The following BPNT2 variants were observed in gnomAD, a reference collection of about 807,000 sequenced individuals.
BPNT2 encodes 3'(2'), 5'-bisphosphate nucleotidase 2.
In BPNT2, 11 loss-of-function variants were observed where a neutral mutation model predicts 29.3. The observed-to-expected ratio is 0.38, with a 90% CI of 0.24 to 0.62. The LOEUF (loss-of-function observed/expected upper bound fraction) is 0.62. BPNT2 is among the 20% of genes least tolerant of loss of function. The pLI, the probability that BPNT2 is intolerant of heterozygous loss-of-function variation, is 0.62. For missense variants in BPNT2, 459 were observed against 473.4 expected (o/e 0.97, Z 0.28); for synonymous variants, 195 against 187.7 (o/e 1.04, Z -0.32).
chr8:56,965,136 G>A lies in BPNT2; in HGVS notation c.808+1055C>T, dbSNP rs189854308. 4.9e-4 allele frequency among the ~76,000 whole-genome samples: 74 copies of A among 152,092 alleles called. No homozygotes were observed. In the East Asian group the frequency reaches 0.011, roughly 23 times the overall value. ...GGAGCTCAAGACCAGCCTGGGCAACGTGGCAAAACCCCGTCTCTACTAAAA... is the reference window on the plus strand; with the variant it reads ...GGAGCTCAAGACCAGCCTGGGCAACATGGCAAAACCCCGTCTCTACTAAAA... On this transcript the variant is annotated intron_variant, in intron 4 of 4. Coordinates refer to ENST00000262644, the MANE Select transcript of BPNT2 (RefSeq NM_017813.5).
chr8:56,971,987 C>CCGAG (rs935623885), intron 3 of BPNT2, among the ~76,000 whole-genome samples: 2 of 151,388 alleles, frequency 1.3e-5, no homozygotes, highest in Non-Finnish European at 2.9e-5. Context: ...TCCAGCTACT[C>CCGAG]GGGAGGCTGA....
At chr8:56,970,603 G>C (rs560711493) in intron 3 of BPNT2, among the ~76,000 whole-genome samples, 2 of 152,254 alleles carry the variant, frequency 1.3e-5, no homozygotes, top group South Asian at 4.1e-4. Flanking sequence ...ATCCATTTTA[G>C]CAGCAATCGG....
At chr8:56,977,433 C>T (rs565847628) in intron 3 of BPNT2, among the ~76,000 whole-genome samples, 3 of 152,202 alleles carry the variant, frequency 2.0e-5, no homozygotes, top group African/African-American at 7.2e-5. Flanking sequence ...GTGTCTATGT[C>T]CTTTCTGTTT....
chr8:56,976,299 T>C (rs559043921), intron 3 of BPNT2, among the ~76,000 whole-genome samples: 1 of 152,334 alleles, frequency 6.6e-6, no homozygotes, highest in East Asian at 1.9e-4. Context: ...AGTCATGGGC[T>C]GCTTATATAC....
At chr8:56,982,476 T>C (rs1266901000) in intron 1 of BPNT2, among the ~76,000 whole-genome samples, 1 of 152,258 alleles carries the variant, frequency 6.6e-6, no homozygotes, top group Non-Finnish European at 1.5e-5. Context: ...TATTCACTTA[T>C]GTCTTTATTA....
In BPNT2 at chr8:56,963,258, A is replaced by C. The variant is rs1805870746; in HGVS notation, c.*535T>G. On this transcript the variant is annotated 3_prime_UTR_variant, in exon 5 of 5. Transcript: ENST00000262644. The stretch of plus-strand genomic sequence containing the variant: ...AAATCAATTAAACTTTTTCTATTTT[A>C]ATCCATAGAAATATTCAGTAACATA... 1 of 152,794 alleles carries C rather than the reference A, an allele frequency of 6.5e-6. No homozygotes were observed. Among genetic ancestry groups the C allele is most frequent in the Non-Finnish European group, 1.5e-5 (1 of 68,140 alleles). 9.5% of individuals were successfully genotyped at this position (152,794 alleles called of 1,614,324 possible). A position where few individuals can be genotyped will look rare whatever the true frequency, so the allele number is the denominator to read the frequency against.
intron 1 of BPNT2, among the ~76,000 whole-genome samples, chr8:56,992,418 A>C (rs1463892463): frequency 6.6e-6 from 1 of 152,196 alleles, no homozygotes; most frequent in Non-Finnish European, 1.5e-5. Flanking sequence ...TAGCAGCTCC[A>C]GTGAAATGAT....
chr8:56,969,572 G>A (rs765384425), intron 3 of BPNT2, among the ~76,000 whole-genome samples: 6 of 145,864 alleles, frequency 4.1e-5, no homozygotes, highest in East Asian at 4.5e-4. Context: ...CAGCAGAGTC[G>A]AAAAGTAAAC....
intron 1 of BPNT2, among the ~76,000 whole-genome samples, chr8:56,991,328 C>T (rs960359377): frequency 1.3e-5 from 2 of 151,488 alleles, no homozygotes; most frequent in Non-Finnish European, 1.5e-5. Context: ...AAGCCAGAGA[C>T]TTCAACATCT....
rs186038179 is a variant in BPNT2, at chr8:56,972,811, T to C, written c.646+5239A>G. Among the ~76,000 whole-genome samples, 107 of 151,862 alleles carry C rather than the reference T, an allele frequency of 7.0e-4. 1 individual carries two copies. The highest frequency in any genetic ancestry group is 2.4e-3 in the African/African-American group (99 of 41,414). On this transcript the variant is annotated intron_variant, in intron 3 of 4. Coordinates refer to ENST00000262644, the MANE Select transcript of BPNT2 (RefSeq NM_017813.5). The stretch of plus-strand genomic sequence containing the variant: ...AAGAAAATCACTGAGTTCTGTCTGC[T>C]TGAACAGGTTTTCAATGCAGACAAG...
At chr8:56,973,704 G>C (rs1255082579) in intron 3 of BPNT2, among the ~76,000 whole-genome samples, 1 of 152,118 alleles carries the variant, frequency 6.6e-6, no homozygotes, top group Non-Finnish European at 1.5e-5. Context: ...TGAGAAAGAA[G>C]ATGTAGAAGA....
chr8:56,965,289 AG>A (rs1430177544), intron 4 of BPNT2, among the ~76,000 whole-genome samples: 5 of 152,230 alleles, frequency 3.3e-5, no homozygotes, highest in African/African-American at 1.2e-4. Flanking sequence ...ACTGCACTCC[AG>A]CCTGGGAGAC....
In BPNT2 at chr8:56,993,273, T is replaced by C. The variant is rs1209248902; in HGVS notation, c.313A>G (p.Lys105Glu). 6.2e-7 allele frequency: 1 copy of C among 1,611,190 alleles called. No homozygotes were observed. Among genetic ancestry groups the C allele is most frequent in the Non-Finnish European group, 8.5e-7 (1 of 1,179,940 alleles). The change falls in exon 1 of 5, where the codon AAG becomes GAG. Residue 105 changes from lysine to glutamate, a missense_variant. Lys to Glu is a moderately conservative substitution (Grantham distance 56, BLOSUM62 1). Coordinates refer to ENST00000262644, the MANE Select transcript of BPNT2 (RefSeq NM_017813.5). ...GACAGCACGTCGCCGCTGGTCATCT[T>C]GTCCTCGGCTCCCTCGCGCGTCTTC... ...KGKTREGAED[K>E]MTSGDVLSNR...
intron 1 of BPNT2, among the ~76,000 whole-genome samples, chr8:56,981,723 G>A (rs1406528344): frequency 1.3e-5 from 2 of 152,122 alleles, no homozygotes; most frequent in African/African-American, 4.8e-5. Context: ...GCCTCACCAT[G>A]AGACTTCTAT....
intron 1 of BPNT2, among the ~76,000 whole-genome samples, chr8:56,986,408 T>G (rs569510156): frequency 1.3e-5 from 2 of 152,306 alleles, no homozygotes; most frequent in South Asian, 4.1e-4. Flanking sequence ...TACAGAATAG[T>G]AGGAGTGTTC....
At chr8:56,970,444 G>A (rs1806012042) in intron 3 of BPNT2, among the ~76,000 whole-genome samples, 1 of 152,128 alleles carries the variant, frequency 6.6e-6, no homozygotes, top group Non-Finnish European at 1.5e-5. Flanking sequence ...CATTCTAAAG[G>A]AGAAATGACT....
chr8:56,966,500 T>C (rs1157271918), intron 3 of BPNT2, 148 bp from the exon 4 acceptor site: 1 of 716,012 alleles, frequency 1.4e-6, no homozygotes, highest in Non-Finnish European at 2.4e-6. Flanking sequence ...AGAAAGCTTT[T>C]TTTTTCAGAG....
chr8:56,980,152 A>G lies in BPNT2; in HGVS notation c.433T>C (p.Leu145=), dbSNP rs776055463. 1.1e-5 allele frequency: 18 copies of G among 1,613,810 alleles called. No individual in the cohort carries two copies. Among genetic ancestry groups the G allele is most frequent in the Non-Finnish European group, 1.4e-5 (17 of 1,179,736 alleles). ...HVDAADQEVI[L]WDHKIPEDIL... is the part of the protein sequence containing the mutation. ...TCCTCAGGAATCTTATGATCCCACA[A>G]GATAACCTCCTGATCAGCTGCATCC... The change falls in exon 2 of 5, where the codon TTG becomes CTG. Residue 145 remains leucine (L), a synonymous_variant. Transcript: ENST00000262644.
chr8:56,992,911 G>A (rs1384199274), intron 1 of BPNT2, among the ~76,000 whole-genome samples: 1 of 152,084 alleles, frequency 6.6e-6, no homozygotes, highest in Non-Finnish European at 1.5e-5. Context: ...GAAGCTGCGG[G>A]TGCAATTAAC....
Sources: allele counts gnomAD v4.1 joint callset (sites outside exome capture counted in the v4.1 genomes callset), GRCh38; gene constraint gnomAD v4.1.1; transcripts MANE v1.5; gene names NCBI Gene and HGNC (gene_info 2026-07-23, HGNC 2026-07-21).